Variants in SYT16 observed in about 807,000 individuals in gnomAD.
SYT16 encodes synaptotagmin 16.
SYT16 carries 42 observed loss-of-function variants against 61.4 expected under a neutral mutation model. That is an observed-to-expected ratio of 0.68 (90% CI 0.53 to 0.89). SYT16 has a LOEUF of 0.89. SYT16 is among the 40% of genes least tolerant of loss of function. The pLI, the probability that SYT16 is intolerant of heterozygous loss-of-function variation, is 0.00. For missense variants in SYT16, 804 were observed against 807.3 expected, an observed-to-expected ratio of 1.00 and a Z score of 0.05; for synonymous variants, 314 against 302.3, an observed-to-expected ratio of 1.04 and a Z score of -0.40.
intron 1 of SYT16, among the ~76,000 whole-genome samples, chr14:61,932,134 C>T (rs998366625): frequency 6.6e-6 from 1 of 152,208 alleles, no homozygotes; most frequent in Non-Finnish European, 1.5e-5. Context: ...CCAGCCAGCA[C>T]ACCCAGCTCC....
rs2047855820 is a variant in SYT16, at chr14:61,885,231, G to A, written c.-325+72421G>A. On this transcript the variant is annotated intron_variant, in intron 1 of 7. Transcript: ENST00000683842. ...ACTCTTGGATTCTAAACTTGATTCA[G>A]CTGGTTTTAGAATGTTGGGTGAGTA... Among the ~76,000 whole-genome samples the A allele has an allele frequency of 2.6e-5, 4 of 152,148 alleles. No individual in the cohort carries two copies. In the South Asian group the frequency reaches 8.3e-4, roughly 32 times the overall value.
At chr14:62,067,460 A>G (rs2056108671) in intron 3 of SYT16, among the ~76,000 whole-genome samples, 1 of 152,150 alleles carries the variant, frequency 6.6e-6, no homozygotes, top group African/African-American at 2.4e-5. Context: ...AAAGTCAAAG[A>G]GCTCAACAGG....
intron 1 of SYT16, among the ~76,000 whole-genome samples, chr14:61,948,027 A>G (rs999661413): frequency 6.6e-6 from 1 of 152,192 alleles, no homozygotes; most frequent in Non-Finnish European, 1.5e-5. Context: ...AGTATCTGGA[A>G]GGTCTGCTTG....
chr14:61,881,471 A>G (rs2047695363), intron 1 of SYT16, among the ~76,000 whole-genome samples: 1 of 152,206 alleles, frequency 6.6e-6, no homozygotes, highest in Non-Finnish European at 1.5e-5. Flanking sequence ...AATCCAATAG[A>G]TGGCTCTGTT....
intron 1 of SYT16, among the ~76,000 whole-genome samples, chr14:61,846,969 G>A (rs2046463015): frequency 6.6e-6 from 1 of 152,056 alleles, no homozygotes; most frequent in Admixed American, 6.5e-5. Flanking sequence ...CTGTCTTCCT[G>A]TTTTTAAACT....
At chr14:62,062,389 C>A (rs2140921578) in intron 3 of SYT16, among the ~76,000 whole-genome samples, 1 of 152,246 alleles carries the variant, frequency 6.6e-6, no homozygotes, top group Admixed American at 6.5e-5. Context: ...CCAGCATAAT[C>A]TTATGAAAAT....
chr14:61,903,776 G>C (rs1364900851), intron 1 of SYT16, among the ~76,000 whole-genome samples: 6 of 152,186 alleles, frequency 3.9e-5, no homozygotes, highest in African/African-American at 7.2e-5. Flanking sequence ...CTTTGCTGTG[G>C]TTGTTTAAAT....
intron 1 of SYT16, among the ~76,000 whole-genome samples, chr14:61,816,436 T>C (rs568376771): frequency 3.3e-5 from 5 of 152,214 alleles, no homozygotes; most frequent in African/African-American, 7.2e-5. Flanking sequence ...TGAAAATGGA[T>C]GGAAAATCTT....
chr14:61,986,610 C>T (rs1332129915), intron 2 of SYT16, among the ~76,000 whole-genome samples: 3 of 152,142 alleles, frequency 2.0e-5, no homozygotes, highest in East Asian at 1.9e-4. Flanking sequence ...CCTCCCCCCA[C>T]CCCACAACAG....
At chr14:62,006,504 TGGC>T (rs2053231906) in intron 3 of SYT16, among the ~76,000 whole-genome samples, 1 of 152,202 alleles carries the variant, frequency 6.6e-6, no homozygotes, top group South Asian at 2.1e-4. Context: ...TAAGCTAAAT[TGGC>T]CCAAAACAAG....
At chr14:61,951,359 A>T (rs1162404683) in intron 1 of SYT16, among the ~76,000 whole-genome samples, 1 of 152,204 alleles carries the variant, frequency 6.6e-6, no homozygotes, top group Admixed American at 6.5e-5. Flanking sequence ...TTTTATAATC[A>T]TCTTTTCAAA....
chr14:61,910,325 G>A (rs190964217), intron 1 of SYT16, among the ~76,000 whole-genome samples: 1 of 151,866 alleles, frequency 6.6e-6, no homozygotes, highest in East Asian at 1.9e-4. Context: ...TGCAACCTCC[G>A]CCTCCCAGGT....
At chr14:62,041,456 G>T (rs187676299) in intron 3 of SYT16, among the ~76,000 whole-genome samples, 1 of 152,272 alleles carries the variant, frequency 6.6e-6, no homozygotes, top group Non-Finnish European at 1.5e-5. Context: ...ACTGTGTTGA[G>T]CCTGTTGAAT....
At chr14:61,990,710 G>A (rs1269254394) in intron 2 of SYT16, among the ~76,000 whole-genome samples, 1 of 152,084 alleles carries the variant, frequency 6.6e-6, no homozygotes, top group Non-Finnish European at 1.5e-5. Context: ...GGTCGTAACT[G>A]TCCCCCAACC....
intron 3 of SYT16, among the ~76,000 whole-genome samples, chr14:62,042,021 C>T (rs935549861): frequency 1.3e-5 from 2 of 152,126 alleles, no homozygotes; most frequent in Non-Finnish European, 2.9e-5. Flanking sequence ...AATCTGTTGT[C>T]TAGTTTGTTG....
intron 1 of SYT16, among the ~76,000 whole-genome samples, chr14:61,876,535 G>A (rs2047500802): frequency 6.6e-6 from 1 of 152,174 alleles, no homozygotes; most frequent in Non-Finnish European, 1.5e-5. Flanking sequence ...ATCAGCATGC[G>A]CTGTGTCATA....
At chr14:61,883,806 A>G (rs1472168609) in intron 1 of SYT16, among the ~76,000 whole-genome samples, 2 of 152,182 alleles carry the variant, frequency 1.3e-5, no homozygotes, top group Non-Finnish European at 2.9e-5. Context: ...ACAATTCCAC[A>G]TTGCTGAGAA....
intron 2 of SYT16, among the ~76,000 whole-genome samples, chr14:61,983,401 A>G (rs916668721): frequency 6.6e-6 from 1 of 152,216 alleles, no homozygotes; most frequent in African/African-American, 2.4e-5. Flanking sequence ...GACAGGTATT[A>G]TTTGAAGTGT....
intron 1 of SYT16, among the ~76,000 whole-genome samples, chr14:61,855,001 C>A (rs899806504): frequency 2.0e-5 from 3 of 152,138 alleles, no homozygotes; most frequent in Non-Finnish European, 4.4e-5. Flanking sequence ...TCTCATCACA[C>A]TTGCTTGTAT....
Sources: allele counts gnomAD v4.1 joint callset (sites outside exome capture counted in the v4.1 genomes callset), GRCh38; gene constraint gnomAD v4.1.1; transcripts MANE v1.5; gene names NCBI Gene and HGNC (gene_info 2026-07-23, HGNC 2026-07-21).